The following DMBT1 variants were observed in gnomAD, a reference collection of about 807,000 sequenced individuals.
DMBT1 encodes scavenger receptor cysteine-rich domain-containing protein DMBT1.
A neutral mutation model predicts 252.9 loss-of-function variants in DMBT1; 198 were observed. The ratio of observed to expected loss-of-function variants is 0.78; its 90% CI spans 0.70 to 0.88. The LOEUF is 0.88. DMBT1 is among the 40% of genes least tolerant of loss of function. The probability of loss-of-function intolerance (pLI) is 0.00; values close to 1 mark genes in which losing one functional copy is unlikely to be tolerated. For synonymous variants in DMBT1, 990 were observed against 942.7 expected (o/e 1.05, Z -0.92); for missense variants, 2,432 against 2,404.7 (o/e 1.01, Z -0.24).
intron 50 of DMBT1, among the ~76,000 whole-genome samples, chr10:122,632,254 C>G (rs966950475): frequency 3.9e-5 from 6 of 151,936 alleles, no homozygotes; most frequent in Non-Finnish European, 7.4e-5. Context: ...CTCTCCAACA[C>G]CCCCCACTGC....
At chr10:122,592,200 T>C (rs1262913849) in intron 19 of DMBT1, 72 bp from the exon 20 acceptor site, 1 of 1,559,526 alleles carries the variant, frequency 6.4e-7, no homozygotes, top group Non-Finnish European at 8.7e-7. Flanking sequence ...GGAAGTACCC[T>C]GAGTGTGGAA....
Position 122,573,568 on chromosome 10 carries a change from C to T in DMBT1, c.236-147C>T, listed in dbSNP as rs998585453. 19 of 980,718 alleles carry T rather than the reference C, an allele frequency of 1.9e-5. No individual in the cohort carries two copies. In the African/African-American group the frequency reaches 2.6e-4, roughly 13 times the overall value. 60.8% of individuals were successfully genotyped at this position (980,718 alleles called of 1,614,324 possible). A position where few individuals can be genotyped will look rare whatever the true frequency, so the allele number is the denominator to read the frequency against. ...GTCTGGGGCCAGTACAATGACAAAG[C>T]GATTGGCACATGGTTGGCTTTTAGC... On this transcript the variant is annotated intron_variant, in intron 5 of 55. Transcript: ENST00000338354.
rs267602397 is a variant in DMBT1 at position 122,630,365 on chromosome 10, G to A, written c.5900G>A (p.Gly1967Glu). ...TCATTGAATAGCAGTCTCCTGCTGG[G>A]GAAAATCTGTAATGATACCAGGCAA... ...DGSLNSSLLL[G>E]KICNDTRQIF... The change falls in exon 48 of 56, where the codon GGG (glycine) becomes GAG (glutamate). Residue 1967 changes from glycine (G) to glutamate (E), a missense_variant. By Grantham distance (98) the Gly-to-Glu change is moderately conservative. Around this residue, in one of 3 missense-constraint regions of DMBT1, gnomAD observed 1,162 missense variants for 1,169.0 expected, o/e 0.99. Coordinates refer to ENST00000338354, the MANE Select transcript of DMBT1 (RefSeq NM_001377530.1). 9 of 1,613,948 alleles carry A rather than the reference G, an allele frequency of 5.6e-6. No individual in the cohort carries two copies. Among genetic ancestry groups the A allele is most frequent in the South Asian group, 1.1e-5 (1 of 91,082 alleles).
intron 1 of DMBT1, among the ~76,000 whole-genome samples, chr10:122,563,903 G>A (rs1319321835): frequency 6.6e-6 from 1 of 152,196 alleles, no homozygotes; most frequent in Non-Finnish European, 1.5e-5. Context: ...CAGGTAGACT[G>A]TGTTTAAATG....
rs1450840214 is a variant in DMBT1 at position 122,643,450 on chromosome 10, G to A, written c.*52G>A. ...ACCGGGGCGCAGACCCCTGACTCGG[G>A]GACTTGGGATGTTCCTCTTGGTGTC... On this transcript the variant is annotated 3_prime_UTR_variant, in exon 56 of 56. Coordinates refer to ENST00000338354, the MANE Select transcript of DMBT1 (RefSeq NM_001377530.1). 1.4e-5 allele frequency: 22 copies of A among 1,553,570 alleles called. No individual in the cohort carries two copies.
intron 9 of DMBT1, 59 bp from the exon 10 acceptor site, chr10:122,579,519 A>G: frequency 6.2e-7 from 1 of 1,610,504 alleles, no homozygotes; most frequent in Non-Finnish European, 8.5e-7. Flanking sequence ...TGTGGAACTT[A>G]CCTTAGATTC....
intron 2 of DMBT1, among the ~76,000 whole-genome samples, chr10:122,568,390 A>G (rs2133514342): frequency 6.6e-6 from 1 of 152,278 alleles, no homozygotes; most frequent in South Asian, 2.1e-4. Context: ...TTCTCAGAGT[A>G]CATGAGGTTC....
At chr10:122,563,725 T>C (rs1269016344) in intron 1 of DMBT1, among the ~76,000 whole-genome samples, 1 of 152,214 alleles carries the variant, frequency 6.6e-6, no homozygotes, top group African/African-American at 2.4e-5. Flanking sequence ...GGTCTCAGTA[T>C]GTGCAGAAGG....
rs1481356132 is a variant in DMBT1, at chr10:122,631,043, G to A, written c.6108G>A (p.Trp2036Ter). The A allele has an allele frequency of 6.2e-7, 1 of 1,613,796 alleles. No homozygotes were observed. The highest frequency in any genetic ancestry group is 1.1e-5 in the South Asian group (1 of 91,076). Reference protein sequence around the residue: ...GRVEIYHGGTWGTVCDDSWTI... With the variant: ...GRVEIYHGGT ...TAGAAATTTACCATGGTGGCACCTG[G>A]GGGACAGTTTGTGATGACTCCTGGA... is the stretch of plus-strand genomic sequence containing the variant. The change falls in exon 49 of 56, where the codon TGG (tryptophan) becomes TGA (stop). Residue 2036 changes from tryptophan to a stop codon, truncating the protein, a stop_gained. Coordinates refer to ENST00000338354, the MANE Select transcript of DMBT1 (RefSeq NM_001377530.1). LOFTEE classifies it high-confidence loss of function.
chr10:122,626,199 A>C (rs79283531), intron 46 of DMBT1, among the ~76,000 whole-genome samples: 1,673 of 152,318 alleles, frequency 0.011, 33 homozygotes, highest in African/African-American at 0.038. Context: ...TAGGAGGAAG[A>C]AGGGAGACAA....
chr10:122,637,433 T>C (rs1460537516), intron 54 of DMBT1, 121 bp downstream of exon 54: 1 of 1,163,020 alleles, frequency 8.6e-7, no homozygotes, highest in African/African-American at 1.6e-5. Flanking sequence ...AGGACATAAT[T>C]GGAATAAAGG....
chr10:122,621,029 G>A (rs1565898435), intron 43 of DMBT1, 28 bp from the exon 44 acceptor site: 1 of 1,612,176 alleles, frequency 6.2e-7, no homozygotes. Flanking sequence ...AATCAGTATG[G>A]ATGAAGGGTT....
intron 44 of DMBT1, among the ~76,000 whole-genome samples, chr10:122,624,552 C>G (rs1027696949): frequency 6.6e-6 from 1 of 152,146 alleles, no homozygotes; most frequent in African/African-American, 2.4e-5. Flanking sequence ...TCTGGTTTGG[C>G]CCTGAGGCTG....
At chr10:122,593,650 A>C (rs1591371874) in intron 21 of DMBT1, 52 bp downstream of exon 21, 1 of 1,526,540 alleles carries the variant, frequency 6.6e-7, no homozygotes, top group Non-Finnish European at 8.9e-7. Flanking sequence ...CTGCCCAATC[A>C]CCCCTTCCAC....
intron 46 of DMBT1, 143 bp downstream of exon 46, chr10:122,626,108 T>C: frequency 1.4e-6 from 1 of 691,532 alleles, no homozygotes; most frequent in South Asian, 1.8e-5. Flanking sequence ...ACCCTTCACC[T>C]CTTCATTTGA....
chr10:122,625,902 A>C (rs2098115453), intron 45 of DMBT1, 31 bp from the exon 46 acceptor site: 1 of 1,593,070 alleles, frequency 6.3e-7, no homozygotes, highest in Non-Finnish European at 8.6e-7. Flanking sequence ...TTATCTACTA[A>C]AATCCTAAAC....
chr10:122,560,905 T>C (rs948220327), intron 1 of DMBT1, 74 bp downstream of exon 1: 30 of 1,165,062 alleles, frequency 2.6e-5, no homozygotes, highest in Non-Finnish European at 3.5e-5. Context: ...ATCTACTACT[T>C]TCCATTACAA....
rs367889743 is a variant in DMBT1 at position 122,631,014 on chromosome 10, C to T, written c.6079C>T (p.Arg2027Cys). Residue 2027 changes from arginine to cysteine, a missense_variant, in exon 49 of 56, where the codon CGT becomes TGT. By Grantham distance (180) the Arg-to-Cys change is radical. Transcript: ENST00000338354. ...LNSSYGLCAG[R>C]VEIYHGGTWG... ...TTCATCCTATGGTCTATGTGCCGGG[C>T]GTGTAGAAATTTACCATGGTGGCAC... The T allele has an allele frequency of 7.4e-6, 12 of 1,612,940 alleles. No homozygotes were observed. The highest frequency in any genetic ancestry group is 6.7e-5 in the African/African-American group (5 of 74,860).
chr10:122,584,918 G>C (rs1444636804), intron 14 of DMBT1, among the ~76,000 whole-genome samples: 4 of 149,084 alleles, frequency 2.7e-5, no homozygotes, highest in Non-Finnish European at 4.5e-5. Context: ...ATACCCCTTT[G>C]GTCAGCTCCT....
Sources: allele counts gnomAD v4.1 joint callset (sites outside exome capture counted in the v4.1 genomes callset), GRCh38; gene constraint gnomAD v4.1.1; regional missense constraint gnomAD v4.1.1; transcripts MANE v1.5; gene names NCBI Gene and HGNC (gene_info 2026-07-23, HGNC 2026-07-21).